The following KCNIP4 variants were observed in gnomAD, a reference collection of about 807,000 sequenced individuals.
KCNIP4 encodes the protein potassium voltage-gated channel interacting protein 4, also known as Kv channel-interacting protein 4.
In KCNIP4, 12 loss-of-function variants were observed where a neutral mutation model predicts 34.0. The ratio of observed to expected loss-of-function variants is 0.35; its 90% CI spans 0.23 to 0.57. The LOEUF is 0.57. Ranked by LOEUF, KCNIP4 falls within the 20% of genes least tolerant of loss-of-function variation. The pLI, the probability that KCNIP4 is intolerant of heterozygous loss-of-function variation, is 0.83. For missense variants in KCNIP4, 238 were observed against 311.7 expected (o/e 0.76, Z 1.78); for synonymous variants, 124 against 102.2 (o/e 1.21, Z -1.29).
intron 1 of KCNIP4, among the ~76,000 whole-genome samples, chr4:21,387,447 A>G (rs990789482): frequency 6.6e-6 from 1 of 152,194 alleles, no homozygotes; most frequent in African/African-American, 2.4e-5. Flanking sequence ...CTTGGTTACT[A>G]TTCTGAGAAT....
At chr4:21,065,733 T>G (rs1013327858) in intron 1 of KCNIP4, among the ~76,000 whole-genome samples, 115 of 85,120 alleles carry the variant, frequency 1.4e-3, no homozygotes, top group African/African-American at 4.1e-3. Context: ...TGTCTATATA[T>G]ATATATATAT....
At chr4:21,905,147 T>C (rs1230980973) in intron 1 of KCNIP4, among the ~76,000 whole-genome samples, 1 of 152,138 alleles carries the variant, frequency 6.6e-6, no homozygotes, top group Non-Finnish European at 1.5e-5. Flanking sequence ...TAGATACAAT[T>C]CTTTTGGGCA....
chr4:21,496,316 G>A (rs1732845684), intron 1 of KCNIP4, among the ~76,000 whole-genome samples: 2 of 152,066 alleles, frequency 1.3e-5, no homozygotes, highest in Admixed American at 1.3e-4. Flanking sequence ...ACAAGTCAGT[G>A]GCTTGTAATA....
At chr4:20,785,904 A>G (rs1352111486) in intron 3 of KCNIP4, among the ~76,000 whole-genome samples, 2 of 152,112 alleles carry the variant, frequency 1.3e-5, no homozygotes, top group African/African-American at 4.8e-5. Context: ...TTCTCAAAGG[A>G]CTAAAAATAG....
intron 1 of KCNIP4, among the ~76,000 whole-genome samples, chr4:21,937,415 C>A (rs1199734672): frequency 6.6e-6 from 1 of 152,008 alleles, no homozygotes; most frequent in Non-Finnish European, 1.5e-5. Context: ...TTTTCTCTTG[C>A]CTAGACTAAT....
chr4:20,796,411 T>G (rs1713473162), intron 3 of KCNIP4, among the ~76,000 whole-genome samples: 1 of 152,148 alleles, frequency 6.6e-6, no homozygotes, highest in Non-Finnish European at 1.5e-5. Flanking sequence ...TGGGTAATAA[T>G]ACTTCACAAG....
chr4:21,706,380 T>A (rs561551060), intron 1 of KCNIP4, among the ~76,000 whole-genome samples: 2 of 152,222 alleles, frequency 1.3e-5, no homozygotes, highest in Admixed American at 6.5e-5. Context: ...CAGCTCATCA[T>A]GTGATAAGAA....
intron 1 of KCNIP4, among the ~76,000 whole-genome samples, chr4:21,273,513 A>C (rs1484979671): frequency 6.6e-6 from 1 of 152,306 alleles, no homozygotes; most frequent in Non-Finnish European, 1.5e-5. Context: ...TAGTAAAGGA[A>C]TCGGGGGAGA....
At chr4:20,733,492 G>A (rs1354040589) in intron 6 of KCNIP4, among the ~76,000 whole-genome samples, 4 of 152,104 alleles carry the variant, frequency 2.6e-5, no homozygotes, top group Non-Finnish European at 4.4e-5. Flanking sequence ...AATACAGAGC[G>A]AATATATATT....
intron 1 of KCNIP4, among the ~76,000 whole-genome samples, chr4:21,826,943 A>T (rs187207986): frequency 6.6e-6 from 1 of 152,104 alleles, no homozygotes; most frequent in Non-Finnish European, 1.5e-5. Flanking sequence ...CTGTTTCCAC[A>T]ATAGAAGTTT....
At chr4:20,927,908 C>T (rs12647136) in intron 1 of KCNIP4, among the ~76,000 whole-genome samples, 20,535 of 152,008 alleles carry the variant, frequency 0.14, 1,952 homozygotes, top group African/African-American at 0.28. Context: ...CTAAGCACTG[C>T]TATATTAAAA....
At chr4:21,054,416 G>T (rs1412060833) in intron 1 of KCNIP4, among the ~76,000 whole-genome samples, 1 of 151,858 alleles carries the variant, frequency 6.6e-6, no homozygotes, top group Admixed American at 6.6e-5. Flanking sequence ...CTACTCAGGA[G>T]GCTGAGACAA....
rs1560199004 is a variant in KCNIP4, at chr4:21,234,317, TATAA to T, written c.62-351612_62-351609del. On this transcript the variant is annotated intron_variant, in intron 1 of 8. Transcript: ENST00000382152. ...TTATATATAACATATATAACATATATATAACATATATAAATTATATATAACATAC... is the reference window on the plus strand; with the variant it reads ...TTATATATAACATATATAACATATATCATATATAAATTATATATAACATAC... Among the ~76,000 whole-genome samples, 78 of 109,576 alleles carry T rather than the reference TATAA, an allele frequency of 7.1e-4. 4 individuals carry two copies. Among genetic ancestry groups the T allele is most frequent in the African/African-American group, 2.8e-3 (66 of 23,256 alleles). 71.9% of individuals were successfully genotyped at this position (109,576 alleles called of 152,430 possible). A position where few individuals can be genotyped will look rare whatever the true frequency, so the allele number is the denominator to read the frequency against.
At chr4:21,798,238 T>C (rs1339809681) in intron 1 of KCNIP4, among the ~76,000 whole-genome samples, 1 of 151,616 alleles carries the variant, frequency 6.6e-6, no homozygotes, top group Non-Finnish European at 1.5e-5. Flanking sequence ...GATATGTGTA[T>C]AGTATACTCT....
rs557744760 is a variant in KCNIP4 at position 21,373,663 on chromosome 4, C to T, written c.62-490954G>A. Among the ~76,000 whole-genome samples the T allele has an allele frequency of 1.6e-3, 238 of 147,308 alleles. 3 individuals carry two copies. Among genetic ancestry groups the T allele is most frequent in the Non-Finnish European group, 2.6e-3 (177 of 67,998 alleles). ...AATGATCAACAAGTCATATAATCTTCATAAAGGTTGGGTTTCTCATTTTCA... is the reference window on the plus strand; with the variant it reads ...AATGATCAACAAGTCATATAATCTTTATAAAGGTTGGGTTTCTCATTTTCA... On this transcript the variant is annotated intron_variant, in intron 1 of 8. Coordinates refer to ENST00000382152, the MANE Select transcript of KCNIP4 (RefSeq NM_025221.6).
intron 1 of KCNIP4, among the ~76,000 whole-genome samples, chr4:21,766,309 G>C (rs545603522): frequency 1.3e-5 from 2 of 152,114 alleles, no homozygotes; most frequent in African/African-American, 4.8e-5. Context: ...AATAACCCTT[G>C]AGACAGTTTC....
intron 1 of KCNIP4, among the ~76,000 whole-genome samples, chr4:21,384,844 T>A (rs998076117): frequency 6.6e-6 from 1 of 152,180 alleles, no homozygotes; most frequent in African/African-American, 2.4e-5. Context: ...CTGAGCTCCC[T>A]GGGGAGAAGG....
intron 1 of KCNIP4, among the ~76,000 whole-genome samples, chr4:21,882,580 G>T (rs915754654): frequency 6.6e-6 from 1 of 152,104 alleles, no homozygotes; most frequent in Non-Finnish European, 1.5e-5. Flanking sequence ...GGAAAAGCTT[G>T]CAGAAGAAGA....
chr4:21,080,807 C>T (rs1412472307), intron 1 of KCNIP4, among the ~76,000 whole-genome samples: 1 of 151,644 alleles, frequency 6.6e-6, no homozygotes, highest in African/African-American at 2.4e-5. Flanking sequence ...TTTGAACTAC[C>T]AATGGTGTTT....
Sources: gnomAD v4.1 joint callset for allele counts (sites outside exome capture counted in the v4.1 genomes callset) on GRCh38, gnomAD v4.1.1 for gene constraint, MANE v1.5 for transcripts, NCBI Gene and HGNC (gene_info 2026-07-23, HGNC 2026-07-21) for gene names.